Variants in SHISAL1 observed in about 807,000 individuals in gnomAD.
The protein encoded by SHISAL1 is protein shisa-like-1.
A neutral mutation model predicts 22.6 loss-of-function variants in SHISAL1; 9 were observed. The observed-to-expected ratio is 0.40, with a 90% CI of 0.24 to 0.70. SHISAL1 has a LOEUF of 0.70. SHISAL1 is among the 30% of genes least tolerant of loss of function. The probability of loss-of-function intolerance (pLI) is 0.39; values close to 1 mark genes in which losing one functional copy is unlikely to be tolerated. For synonymous variants in SHISAL1, 119 were observed against 115.4 expected (o/e 1.03, Z -0.20); for missense variants, 246 against 270.6 (o/e 0.91, Z 0.64).
intron 2 of SHISAL1, 41 bp downstream of exon 2, chr22:44,300,838 C>T (rs1206835464): frequency 1.3e-6 from 2 of 1,569,388 alleles, no homozygotes; most frequent in Admixed American, 1.7e-5. Context: ...GCCCACACCC[C>T]CACGTGCCGC....
In SHISAL1 at chr22:44,303,006, C is replaced by T. The variant is rs554696114; in HGVS notation, c.-32-2029G>A. 8.7e-3 allele frequency among the ~76,000 whole-genome samples: 1,295 copies of T among 149,636 alleles called. 30 individuals carry two copies. The highest frequency in any genetic ancestry group is 0.017 in the Middle Eastern group (5 of 286). ...GACAGGGCTTTGGGCCCTGAGGGGA[C>T]TAGATTACTTAGACTATGATCAACC... On this transcript the variant is annotated intron_variant, in intron 1 of 4. Transcript: ENST00000381176.
At chr22:44,311,621 A>G (rs2055519164) in intron 1 of SHISAL1, among the ~76,000 whole-genome samples, 1 of 152,210 alleles carries the variant, frequency 6.6e-6, no homozygotes, top group Non-Finnish European at 1.5e-5. Flanking sequence ...ATCCCATTTT[A>G]CAGATGAGGA....
At chr22:44,262,876 T>G (rs1433844492) in intron 4 of SHISAL1, among the ~76,000 whole-genome samples, 1 of 152,192 alleles carries the variant, frequency 6.6e-6, no homozygotes, top group African/African-American at 2.4e-5. Flanking sequence ...CAATGAAAGC[T>G]TCCAGAATGT....
chr22:44,299,472 T>A (rs1372675846), intron 2 of SHISAL1, among the ~76,000 whole-genome samples: 1 of 152,102 alleles, frequency 6.6e-6, no homozygotes, highest in Non-Finnish European at 1.5e-5. Context: ...GAGGACCAGG[T>A]GAGCCAAAGC....
chr22:44,263,903 T>C (rs184054462), intron 4 of SHISAL1, among the ~76,000 whole-genome samples: 2 of 152,260 alleles, frequency 1.3e-5, no homozygotes, highest in Non-Finnish European at 1.5e-5. Context: ...ACTGCATTTG[T>C]GATAGTTTAT....
upstream of SHISAL1, among the ~76,000 whole-genome samples, chr22:44,317,424 G>A (rs2147317335): frequency 6.6e-6 from 1 of 152,340 alleles, no homozygotes; most frequent in South Asian, 2.1e-4. Context: ...GGTAGGAAGT[G>A]GCTCTCGGCT....
In SHISAL1 at chr22:44,308,029, C is replaced by A. The variant is rs533694854; in HGVS notation, c.-33+4722G>T. Among the ~76,000 whole-genome samples, 31 of 152,304 alleles carry A rather than the reference C, an allele frequency of 2.0e-4. No homozygotes were observed. In the South Asian group the frequency reaches 5.2e-3, roughly 25 times the overall value. On this transcript the variant is annotated intron_variant, in intron 1 of 4. Transcript: ENST00000381176. ...ACGACCAAGCGCGACACCTCCAGTC[C>A]ACTGCAGGACTGGGTCTAGGGCAGC...
At chr22:44,256,784 C>T (rs1476381571) in intron 4 of SHISAL1, among the ~76,000 whole-genome samples, 1 of 151,964 alleles carries the variant, frequency 6.6e-6, no homozygotes, top group Non-Finnish European at 1.5e-5. Context: ...ACTGAACAAA[C>T]AGAAGAACAA....
intron 4 of SHISAL1, among the ~76,000 whole-genome samples, chr22:44,254,257 C>T (rs2055069389): frequency 6.6e-6 from 1 of 151,564 alleles, no homozygotes; most frequent in Non-Finnish European, 1.5e-5. Context: ...CAAAATAAAC[C>T]TAAGAAAGAC....
intron 3 of SHISAL1, among the ~76,000 whole-genome samples, chr22:44,288,775 G>A (rs1002231467): frequency 6.6e-6 from 1 of 152,246 alleles, no homozygotes; most frequent in Admixed American, 6.5e-5. Context: ...CCCTGGCACT[G>A]TGTCTTAGCC....
At chr22:44,302,555 G>C (rs1221775714) in intron 1 of SHISAL1, among the ~76,000 whole-genome samples, 1 of 152,270 alleles carries the variant, frequency 6.6e-6, no homozygotes, top group South Asian at 2.1e-4. Context: ...GCAGACCTTT[G>C]AGTGAGGCGG....
At chr22:44,252,920 C>T (rs77286890) in intron 4 of SHISAL1, among the ~76,000 whole-genome samples, 9,453 of 151,748 alleles carry the variant, frequency 0.062, 363 homozygotes, top group East Asian at 0.095. Context: ...GCTCAAACCC[C>T]GGGAGGCAGA....
At chr22:44,324,897 C>T in the SHISAL1 span, among the ~76,000 whole-genome samples, 2 of 152,216 alleles carry the variant, frequency 1.3e-5, no homozygotes, top group Admixed American at 1.3e-4. Context: ...TGATGCTACA[C>T]TGCCACACTC....
At position 44,251,036 on chromosome 22, in the gene SHISAL1, A is replaced by G. The variant is rs181536545; in HGVS notation, c.*-1351T>C. On this transcript the variant is annotated intron_variant, in intron 4 of 4. Transcript: ENST00000381176. ...GCCATCTCCTCTGCTTCATAGAACT[A>G]AGCCAGGTCCAGGTACTCTCCATCA... is the stretch of plus-strand genomic sequence containing the variant. Among the ~76,000 whole-genome samples, 357 of 152,280 alleles carry G rather than the reference A, an allele frequency of 2.3e-3. 3 individuals carry two copies. The highest frequency in any genetic ancestry group is 8.3e-3 in the African/African-American group (343 of 41,536).
chr22:44,322,835 G>T, the SHISAL1 span, among the ~76,000 whole-genome samples: 1 of 152,156 alleles, frequency 6.6e-6, no homozygotes, highest in Non-Finnish European at 1.5e-5. Context: ...GTCCTCAAAG[G>T]GAAGCTTCTG....
intron 4 of SHISAL1, among the ~76,000 whole-genome samples, chr22:44,260,579 C>G (rs183470952): frequency 6.6e-6 from 1 of 152,354 alleles, no homozygotes; most frequent in Admixed American, 6.5e-5. Flanking sequence ...TGCTTGGTTT[C>G]CCCGGGAATG....
At chr22:44,303,753 C>T (rs1356563120) in intron 1 of SHISAL1, among the ~76,000 whole-genome samples, 1 of 152,162 alleles carries the variant, frequency 6.6e-6, no homozygotes, top group African/African-American at 2.4e-5. Context: ...GGAAGCTCAC[C>T]TGCATACTTG....
intron 4 of SHISAL1, among the ~76,000 whole-genome samples, chr22:44,266,531 T>TATGG (rs2055164566): frequency 2.1e-5 from 2 of 95,580 alleles, no homozygotes; most frequent in Non-Finnish European, 1.8e-5. Flanking sequence ...TTGGGGTATG[T>TATGG]GTGTGTGTGT....
At chr22:44,270,266 C>T (rs1352962915) in intron 4 of SHISAL1, among the ~76,000 whole-genome samples, 7 of 152,336 alleles carry the variant, frequency 4.6e-5, no homozygotes, top group Admixed American at 2.0e-4. Flanking sequence ...ATGCCGTCAA[C>T]GTTGAGATGT....
Sources: allele counts gnomAD v4.1 joint callset (sites outside exome capture counted in the v4.1 genomes callset), GRCh38; gene constraint gnomAD v4.1.1; transcripts MANE v1.5; gene names NCBI Gene and HGNC (gene_info 2026-07-23, HGNC 2026-07-21).